Variants in INSRR observed in about 807,000 individuals in gnomAD.
The protein encoded by INSRR is insulin receptor-related protein.
INSRR carries 114 observed loss-of-function variants against 130.0 expected under a neutral mutation model. The observed-to-expected ratio is 0.88, with a 90% CI of 0.75 to 1.02. INSRR has a LOEUF of 1.02. Among genes scored for constraint, INSRR ranks in the 50% least tolerant of loss-of-function variants. The probability of loss-of-function intolerance (pLI) is 0.00; values close to 1 mark genes in which losing one functional copy is unlikely to be tolerated. For synonymous variants in INSRR, 674 were observed against 705.2 expected (o/e 0.96, Z 0.70); for missense variants, 1,657 against 1,735.2 (o/e 0.95, Z 0.80).
rs1654753475 is a variant in INSRR at position 156,840,933 on chromosome 1, C to A, written c.3834G>T (p.Glu1278Asp). The change falls in exon 22 of 22, where the codon GAG (glutamate) becomes GAT (aspartate). Residue 1278 changes from glutamate (E) to aspartate (D), a missense_variant. Coordinates refer to ENST00000368195, the MANE Select transcript of INSRR (RefSeq NM_014215.3). The stretch of plus-strand genomic sequence containing the variant: ...CTCTTGGAGTGGGTGAGGAGTCAGG[C>A]TCTGCATCGGTGGTAGGCAGGGAGC... ...ARGSLPTTDA[E>D]PDSSPTPRDC... 6 of 1,614,086 alleles carry A rather than the reference C, an allele frequency of 3.7e-6. No homozygotes were observed. The East Asian group carries it at 1.3e-4, about 36-fold the overall frequency.
chr1:156,846,060 G>C lies in INSRR; in HGVS notation c.1870C>G (p.Arg624Gly). Residue 624 changes from arginine (R) to glycine (G), a missense_variant, in exon 9 of 22, where the codon CGC becomes GGC. Arg to Gly is a moderately radical substitution (Grantham distance 125, BLOSUM62 -2). Transcript: ENST00000368195. ...TTGCGCTGGGTCGGTGGCTTCCAGC[G>C]CACCAGGAGGTGGGAGGAGGAGTTG... ...TSNSSSHLLV[R>G]WKPPTQRNGN... 1 of 1,612,552 alleles carries C rather than the reference G, an allele frequency of 6.2e-7. No homozygotes were observed. The highest frequency in any genetic ancestry group is 1.7e-4 in the Middle Eastern group (1 of 6,056).
Position 156,849,440 on chromosome 1 carries a change from A to G in INSRR, c.1250T>C (p.Leu417Pro). 3 of 1,491,050 alleles carry G rather than the reference A, an allele frequency of 2.0e-6. No individual in the cohort carries two copies. Among genetic ancestry groups the G allele is most frequent in the Non-Finnish European group, 2.7e-6 (3 of 1,104,610 alleles). The allele number at this position is 1,491,050 out of a possible 1,614,324, so 92.4% of individuals were successfully genotyped here. Residue 417 changes from leucine (L) to proline (P), a missense_variant, in exon 6 of 22, where the codon CTG becomes CCG. Coordinates refer to ENST00000368195, the MANE Select transcript of INSRR (RefSeq NM_014215.3). The stretch of plus-strand genomic sequence containing the variant: ...TAGCTGTTGTAGGTTCTGGTTGTCC[A>G]GCACGTAGAGAGTGTAGTTCCTGGG... ...MVDGNYTLYV[L>P]DNQNLQQLGS...
rs544122241 is a variant in INSRR, at chr1:156,847,783, G to C, written c.1572-1026C>G. Among the ~76,000 whole-genome samples, 34 of 152,268 alleles carry C rather than the reference G, an allele frequency of 2.2e-4. No individual in the cohort carries two copies. The South Asian group carries it at 6.8e-3, about 31-fold the overall frequency. ...GGATTGGGCAGGATCTGCAGTGTGT[G>C]TCTCTGAGGGAGCATAGCTGCAGCC... On this transcript the variant is annotated intron_variant, in intron 7 of 21. Coordinates refer to ENST00000368195, the MANE Select transcript of INSRR (RefSeq NM_014215.3).
Position 156,853,746 on chromosome 1 carries a change from G to A in INSRR, c.637+6C>T, listed in dbSNP as rs747411662. The A allele has an allele frequency of 1.0e-5, 16 of 1,592,262 alleles. No individual in the cohort carries two copies. The highest frequency in any genetic ancestry group is 5.6e-5 in the South Asian group (5 of 89,186). On this transcript the variant is annotated splice_donor_region_variant and intron_variant, in intron 2 of 21. Transcript: ENST00000368195. ...CCCTACATTCATGTTCTGTGCCAGT[G>A]CCCACCTCTCTGGCAGTGGCTGGAG...
intron 1 of INSRR, among the ~76,000 whole-genome samples, chr1:156,855,814 G>T (rs1240717905): frequency 2.0e-5 from 3 of 152,202 alleles, no homozygotes; most frequent in Non-Finnish European, 4.4e-5. Flanking sequence ...GACAGAGTGA[G>T]ACCCTGTCTA....
At chr1:156,850,348 A>T (rs952431725) in intron 5 of INSRR, among the ~76,000 whole-genome samples, 1 of 151,672 alleles carries the variant, frequency 6.6e-6, no homozygotes, top group African/African-American at 2.4e-5. Flanking sequence ...AGTAGCTGGG[A>T]CTACAGGTGC....
At chr1:156,843,399 C>T (rs373170486) in intron 16 of INSRR, 28 bp downstream of exon 16, 1 of 1,612,016 alleles carries the variant, frequency 6.2e-7, no homozygotes, top group Admixed American at 1.7e-5. Context: ...CTTTCCCACA[C>T]CACCTGTCCA....
chr1:156,853,061 C>T (rs930240049), intron 2 of INSRR, among the ~76,000 whole-genome samples: 1 of 152,114 alleles, frequency 6.6e-6, no homozygotes. Context: ...CATCCCTTTT[C>T]TTTCCTCCTT....
chr1:156,858,451 G>A (rs1218787194), intron 1 of INSRR, 86 bp downstream of exon 1: 6 of 937,456 alleles, frequency 6.4e-6, no homozygotes, highest in Admixed American at 3.4e-5. Flanking sequence ...AGTAAGTGGA[G>A]GTGCTGTGGC....
rs530482869 is a variant in INSRR at position 156,856,959 on chromosome 1, C to T, written c.85+1578G>A. 9.9e-5 allele frequency among the ~76,000 whole-genome samples: 15 copies of T among 152,262 alleles called. No individual in the cohort carries two copies. The East Asian group carries it at 2.5e-3, about 25-fold the overall frequency. ...CAGCCTGACATTCAGCTCCTGCTAA[C>T]GTCTCCAGCCTCTACTTCCCTTCCC... On this transcript the variant is annotated intron_variant, in intron 1 of 21. Transcript: ENST00000368195.
At position 156,846,105 on chromosome 1, in the gene INSRR, G is replaced by A; in HGVS notation, c.1825C>T (p.Gln609Ter). 2 of 1,601,040 alleles carry A rather than the reference G, an allele frequency of 1.2e-6. No individual in the cohort carries two copies. Among genetic ancestry groups the A allele is most frequent in the East Asian group, 4.5e-5 (2 of 44,722 alleles). The change falls in exon 9 of 22, where the codon CAA becomes TAA. Residue 609 changes from glutamine to a stop codon, truncating the protein, a stop_gained. Transcript: ENST00000368195. LOFTEE classifies it high-confidence loss of function. The stretch of plus-strand genomic sequence containing the variant: ...GAGTTGGACGTGGAGATGACGTCTT[G>A]GGGCACCGTGGGAGCTAGGAGTGCG... ...RTLPAAPTVP[Q>*]DVISTSNSSS...
rs112863279 is a variant in INSRR at position 156,844,148 on chromosome 1, G to A, written c.2843+27C>T. 2.6e-5 allele frequency: 40 copies of A among 1,526,588 alleles called. 1 individual carries two copies. The African/African-American group carries it at 3.0e-4, about 11-fold the overall frequency. 94.6% of individuals were successfully genotyped at this position (1,526,588 alleles called of 1,614,324 possible). ...GATGAGGGCTCAGGGAGAAAAGGGG[G>A]TGGGGACCGGTGGGACTTATCATCA... On this transcript the variant is annotated intron_variant, in intron 15 of 21. Coordinates refer to ENST00000368195, the MANE Select transcript of INSRR (RefSeq NM_014215.3).
At chr1:156,855,547 G>A (rs922048274) in intron 1 of INSRR, among the ~76,000 whole-genome samples, 1 of 152,124 alleles carries the variant, frequency 6.6e-6, no homozygotes, top group South Asian at 2.1e-4. Context: ...CACTGGCTGG[G>A]TGCAGTGGCT....
At chr1:156,855,904 C>T (rs1244854817) in intron 1 of INSRR, among the ~76,000 whole-genome samples, 2 of 151,808 alleles carry the variant, frequency 1.3e-5, no homozygotes, top group African/African-American at 4.8e-5. Context: ...TAATTCTTAA[C>T]ACTGACTAAT....
At position 156,851,598 on chromosome 1, in the gene INSRR, G is replaced by A. The variant is rs781270258; in HGVS notation, c.1084+48C>T. ...TCATTGTAAGGGTTGTGTCTGGGAG[G>A]AAGGGTATGACCAGGAGGAGGGGTG... On this transcript the variant is annotated intron_variant, in intron 4 of 21. Transcript: ENST00000368195. 4 of 1,613,372 alleles carry A rather than the reference G, an allele frequency of 2.5e-6. No individual in the cohort carries two copies. In the South Asian group the frequency reaches 4.4e-5, roughly 18 times the overall value.
intron 5 of INSRR, 30 bp from the exon 6 acceptor site, chr1:156,849,490 G>A (rs1162513616): frequency 1.4e-6 from 2 of 1,409,680 alleles, no homozygotes; most frequent in Non-Finnish European, 2.0e-6. Context: ...CTTGCTCTGC[G>A]GGGAGGTGGG....
At position 156,858,655 on chromosome 1, in the gene INSRR, C is replaced by G. The variant is rs774837872; in HGVS notation, c.-34G>C. On this transcript the variant is annotated 5_prime_UTR_variant, in exon 1 of 22. Transcript: ENST00000368195. ...CCCTGGCTTGTGTCCAGTCCCGGCTCTCCTCCCGGTGACTCTGGGGAGAAC... is the reference window on the plus strand; with the variant it reads ...CCCTGGCTTGTGTCCAGTCCCGGCTGTCCTCCCGGTGACTCTGGGGAGAAC... The G allele has an allele frequency of 6.3e-7, 1 of 1,583,024 alleles. No homozygotes were observed. Among genetic ancestry groups the G allele is most frequent in the African/African-American group, 1.3e-5 (1 of 74,356 alleles).
intron 2 of INSRR, 62 bp from the exon 3 acceptor site, chr1:156,852,253 A>G: frequency 4.1e-6 from 6 of 1,475,306 alleles, no homozygotes; most frequent in Non-Finnish European, 5.5e-6. Flanking sequence ...TGTCCTTCCA[A>G]TGCTGGCCCC....
intron 14 of INSRR, 23 bp from the exon 15 acceptor site, chr1:156,844,303 G>C (rs146924588): frequency 1.3e-5 from 20 of 1,596,714 alleles, no homozygotes; most frequent in Non-Finnish European, 1.6e-5. Flanking sequence ...GGGCAGCAGA[G>C]GGTAGAGTCA....
Sources: gnomAD v4.1 joint callset for allele counts (sites outside exome capture counted in the v4.1 genomes callset) on GRCh38, gnomAD v4.1.1 for gene constraint, MANE v1.5 for transcripts, NCBI Gene and HGNC (gene_info 2026-07-23, HGNC 2026-07-21) for gene names.